The following ZNF701 variants were observed in gnomAD, a reference collection of about 807,000 sequenced individuals.
ZNF701 encodes the protein zinc finger protein 701.
ZNF701 carries 6 observed loss-of-function variants against 7.1 expected under a neutral mutation model. That is an observed-to-expected ratio of 0.84 (90% CI 0.46 to 1.66). The LOEUF is 1.66. Among genes scored for constraint, ZNF701 ranks in the 40% most tolerant of loss-of-function variants. ZNF701 has a pLI of 0.01. For missense variants in ZNF701, 541 were observed against 559.2 expected (o/e 0.97, Z 0.33); for synonymous variants, 166 against 188.2 (o/e 0.88, Z 0.97).
At chr19:52,592,537 A>C in the ZNF701 span, among the ~76,000 whole-genome samples, 1 of 152,218 alleles carries the variant, frequency 6.6e-6, no homozygotes, top group East Asian at 1.9e-4. Flanking sequence ...AGGATATGAG[A>C]TAGAAAGCAT....
chr19:52,583,270 A>G lies in ZNF701; in HGVS notation c.1211A>G (p.His404Arg), dbSNP rs759079810. 4 of 1,613,768 alleles carry G rather than the reference A, an allele frequency of 2.5e-6. No homozygotes were observed. The highest frequency in any genetic ancestry group is 2.5e-6 in the Non-Finnish European group (3 of 1,179,884). ...NSSLVMHKVI[H>R]TGEKRYKCNE... is the part of the protein sequence containing the mutation. ...TCTCTTGTAATGCATAAGGTCATTC[A>G]TACTGGAGAGAAACGTTACAAGTGT... Residue 404 changes from histidine (H) to arginine (R), a missense_variant, in exon 4 of 4, where the codon CAT becomes CGT. Transcript: ENST00000391785.
chr19:52,596,133 G>A, the ZNF701 span: 1 of 821,282 alleles, frequency 1.2e-6, no homozygotes, highest in Non-Finnish European at 2.0e-6. Flanking sequence ...AATGAGTGTG[G>A]CAAAGCCTTT....
the ZNF701 span, among the ~76,000 whole-genome samples, chr19:52,593,048 C>T: frequency 6.1e-4 from 72 of 117,562 alleles, 25 homozygotes; most frequent in South Asian, 1.7e-3. Context: ...TTAATCCATT[C>T]AACCCTGAGT....
chr19:52,575,086 C>T (rs2059924660), intron 2 of ZNF701, among the ~76,000 whole-genome samples: 1 of 152,188 alleles, frequency 6.6e-6, no homozygotes, highest in African/African-American at 2.4e-5. Flanking sequence ...TCTCCTGCCT[C>T]AGCCTCCTGA....
Position 52,578,169 on chromosome 19 carries a change from G to A in ZNF701, c.142+2148G>A, listed in dbSNP as rs1031654909. 3.5e-5 allele frequency among the ~76,000 whole-genome samples: 5 copies of A among 144,832 alleles called. No individual in the cohort carries two copies. In the East Asian group the frequency reaches 1.0e-3, roughly 30 times the overall value. ...CTCGGGAGGCTGAGGCAGGAGAATGGCATGAACCCGGGAGGCAGAGCTTGC... is the reference window on the plus strand; with the variant it reads ...CTCGGGAGGCTGAGGCAGGAGAATGACATGAACCCGGGAGGCAGAGCTTGC... On this transcript the variant is annotated intron_variant, in intron 3 of 3. Transcript: ENST00000391785.
downstream of ZNF701, among the ~76,000 whole-genome samples, chr19:52,587,581 C>T (rs1271889574): frequency 1.3e-5 from 2 of 152,206 alleles, no homozygotes; most frequent in Non-Finnish European, 2.9e-5. Context: ...CCTTCACCCC[C>T]ACCTCTGGTC....
chr19:52,576,027 G>A lies in ZNF701; in HGVS notation c.142+6G>A. 6.3e-7 allele frequency: 1 copy of A among 1,585,400 alleles called. No individual in the cohort carries two copies. The highest frequency in any genetic ancestry group is 1.2e-5 in the South Asian group (1 of 86,362). On this transcript the variant is annotated splice_donor_region_variant and intron_variant, in intron 3 of 3. Transcript: ENST00000391785. Reference sequence around the variant, plus strand: ...TAGGAACCTGGTCTCCCTGGGTGAGGATAACTTCCCTCCAGAAGTGGGGAT... The same window carrying A: ...TAGGAACCTGGTCTCCCTGGGTGAGAATAACTTCCCTCCAGAAGTGGGGAT...
chr19:52,597,690 C>T, the ZNF701 span: 2 of 279,586 alleles, frequency 7.2e-6, no homozygotes, highest in Non-Finnish European at 7.0e-6. Context: ...AGGGGCAGGG[C>T]CTTGAACAGA....
downstream of ZNF701, chr19:52,591,997 AC>A (rs2147008509): frequency 1.8e-6 from 1 of 565,698 alleles, no homozygotes; most frequent in East Asian, 2.9e-5. Flanking sequence ...TTGTCAGAAC[AC>A]CGTCTTGGAT....
At chr19:52,572,664 T>C (rs2059908679) in intron 1 of ZNF701, 1 of 350,302 alleles carries the variant, frequency 2.9e-6, no homozygotes, top group Admixed American at 4.1e-5. Flanking sequence ...CACAGCTAAA[T>C]CTAAAGCAGA....
intron 1 of ZNF701, among the ~76,000 whole-genome samples, chr19:52,573,554 A>G (rs1483816688): frequency 6.6e-6 from 1 of 151,528 alleles, no homozygotes; most frequent in African/African-American, 2.4e-5. Context: ...TTGTGTTTTT[A>G]GTACAGACAG....
the ZNF701 span, chr19:52,593,969 C>T: frequency 7.7e-6 from 1 of 129,504 alleles, no homozygotes; most frequent in Admixed American, 8.7e-5. Flanking sequence ...AGGCAGGCGG[C>T]TGGGAGGTGG....
At position 52,580,324 on chromosome 19, in the gene ZNF701, T is replaced by C. The variant is rs111848138; in HGVS notation, c.143-1878T>C. Among the ~76,000 whole-genome samples the C allele has an allele frequency of 9.2e-3, 1,394 of 152,304 alleles. 21 individuals are homozygous for C. The highest frequency in any genetic ancestry group is 0.032 in the African/African-American group (1,331 of 41,564). ...AACGTATATATACAGTGTTTTTTCA[T>C]GCCTTTTTATTTTAAAAAATTTAGT... On this transcript the variant is annotated intron_variant, in intron 3 of 3. Coordinates refer to ENST00000391785, the MANE Select transcript of ZNF701 (RefSeq NM_018260.3).
chr19:52,599,153 G>T, the ZNF701 span, among the ~76,000 whole-genome samples: 1 of 151,004 alleles, frequency 6.6e-6, no homozygotes, highest in African/African-American at 2.4e-5. Flanking sequence ...TCAGCTTCCC[G>T]AGTAGCTGGG....
intron 3 of ZNF701, among the ~76,000 whole-genome samples, chr19:52,578,243 G>C (rs71358886): frequency 0.34 from 38,868 of 115,070 alleles, 6,093 homozygotes; most frequent in Middle Eastern, 0.4. Flanking sequence ...GACAGAGTGA[G>C]ACTCCGTCTC....
chr19:52,573,713 C>T (rs927404549), intron 1 of ZNF701, among the ~76,000 whole-genome samples: 1 of 152,178 alleles, frequency 6.6e-6, no homozygotes, highest in African/African-American at 2.4e-5. Flanking sequence ...GATGGGGTTT[C>T]ACCATGTTGC....
At chr19:52,589,982 C>T (rs186322578), downstream of ZNF701, among the ~76,000 whole-genome samples, 6 of 152,150 alleles carry the variant, frequency 3.9e-5, no homozygotes, top group East Asian at 9.7e-4. Flanking sequence ...TTCATACAGA[C>T]AGGGTTTCTC....
chr19:52,588,808 A>G (rs2060025589), downstream of ZNF701, among the ~76,000 whole-genome samples: 1 of 152,084 alleles, frequency 6.6e-6, no homozygotes, highest in African/African-American at 2.4e-5. Context: ...CACTGGAGCA[A>G]TCTGGGCTCA....
chr19:52,585,848 C>T lies in ZNF701; in HGVS notation c.*2391C>T, dbSNP rs1346488691. On this transcript the variant is annotated 3_prime_UTR_variant, in exon 4 of 4. Coordinates refer to ENST00000391785, the MANE Select transcript of ZNF701 (RefSeq NM_018260.3). Reference sequence around the variant, plus strand: ...GGCCGGTGCTTGGCCTTGGCCACTCCTGGGCTCTTTCTCTTTCCACCTGCG... The same window carrying T: ...GGCCGGTGCTTGGCCTTGGCCACTCTTGGGCTCTTTCTCTTTCCACCTGCG... 6 of 152,312 alleles carry T rather than the reference C, an allele frequency of 3.9e-5. No homozygotes were observed. The East Asian group carries it at 1.2e-3, about 29-fold the overall frequency. 9.4% of individuals were successfully genotyped at this position (152,312 alleles called of 1,614,324 possible).
Sources: allele counts gnomAD v4.1 joint callset (sites outside exome capture counted in the v4.1 genomes callset), GRCh38; gene constraint gnomAD v4.1.1; transcripts MANE v1.5; gene names NCBI Gene and HGNC (gene_info 2026-07-23, HGNC 2026-07-21).